The following RASGEF1C variants were observed in gnomAD, a reference collection of about 807,000 sequenced individuals.
RASGEF1C encodes ras-GEF domain-containing family member 1C.
In RASGEF1C, 27 loss-of-function variants were observed where a neutral mutation model predicts 58.1. That is an observed-to-expected ratio of 0.46 (90% CI 0.34 to 0.64). RASGEF1C has a LOEUF of 0.64. RASGEF1C is among the 30% of genes least tolerant of loss of function. The probability of loss-of-function intolerance (pLI) is 0.01; values close to 1 mark genes in which losing one functional copy is unlikely to be tolerated. For synonymous variants in RASGEF1C, 243 were observed against 246.3 expected (o/e 0.99, Z 0.13); for missense variants, 502 against 605.1 (o/e 0.83, Z 1.79).
chr5:180,159,582 A>G (rs1303911877), intron 1 of RASGEF1C, among the ~76,000 whole-genome samples: 1 of 152,174 alleles, frequency 6.6e-6, no homozygotes, highest in Non-Finnish European at 1.5e-5. Flanking sequence ...TGGCCACCAC[A>G]TAGAGACTGA....
chr5:180,145,844 G>A (rs1766654350), intron 1 of RASGEF1C, among the ~76,000 whole-genome samples: 1 of 152,224 alleles, frequency 6.6e-6, no homozygotes, highest in Non-Finnish European at 1.5e-5. Flanking sequence ...AGGGGCATGA[G>A]GCAGCTAGCC....
chr5:180,201,374 C>G (rs1044818897), intron 1 of RASGEF1C, among the ~76,000 whole-genome samples: 1 of 152,124 alleles, frequency 6.6e-6, no homozygotes, highest in Non-Finnish European at 1.5e-5. Context: ...TCAGAAAACA[C>G]AAGTCCACTC....
At chr5:180,182,104 C>T (rs1234851830) in intron 1 of RASGEF1C, among the ~76,000 whole-genome samples, 1 of 145,728 alleles carries the variant, frequency 6.9e-6, no homozygotes, top group Non-Finnish European at 1.5e-5. Flanking sequence ...ACACGGGAGG[C>T]TGAGGCAGGA....
chr5:180,127,295 C>T (rs997487409), intron 6 of RASGEF1C, among the ~76,000 whole-genome samples: 1 of 152,188 alleles, frequency 6.6e-6, no homozygotes, highest in African/African-American at 2.4e-5. Flanking sequence ...GCCCTCCACC[C>T]TCCTCCCTGC....
In RASGEF1C at chr5:180,137,820, C is replaced by T; in HGVS notation, c.177+56G>A. On this transcript the variant is annotated intron_variant, in intron 2 of 13. Coordinates refer to ENST00000361132, the MANE Select transcript of RASGEF1C (RefSeq NM_175062.4). This position sits in a 1 kb window ranked among gnomAD's most constrained non-coding sequence, Gnocchi z 4.1. ...CCAAGGTCACGCCCAACCCTGATGC[C>T]CCCCGTGCGTGGTGGAGGAGAGCCC... 1.9e-6 allele frequency: 3 copies of T among 1,602,344 alleles called. No homozygotes were observed. The highest frequency in any genetic ancestry group is 2.2e-5 in the South Asian group (2 of 89,194).
At chr5:180,142,013 C>T (rs1766588229) in intron 1 of RASGEF1C, among the ~76,000 whole-genome samples, 1 of 152,142 alleles carries the variant, frequency 6.6e-6, no homozygotes, top group Non-Finnish European at 1.5e-5. Flanking sequence ...TCTCAGAAGT[C>T]TTGAAATCAC....
intron 1 of RASGEF1C, among the ~76,000 whole-genome samples, chr5:180,159,513 A>G (rs190741696): frequency 4.0e-4 from 60 of 151,834 alleles, no homozygotes; most frequent in African/African-American, 1.3e-3. Flanking sequence ...TTTTTTCCTT[A>G]TTTGCCCTGC....
At chr5:180,161,225 GGGGA>G (rs1766938829) in intron 1 of RASGEF1C, among the ~76,000 whole-genome samples, 1 of 152,230 alleles carries the variant, frequency 6.6e-6, no homozygotes, top group Non-Finnish European at 1.5e-5. Context: ...CCCAGATTTG[GGGGA>G]GAGGAAGAAG....
chr5:180,179,870 G>A (rs895002276), intron 1 of RASGEF1C, among the ~76,000 whole-genome samples: 2 of 152,236 alleles, frequency 1.3e-5, no homozygotes, highest in African/African-American at 2.4e-5. Context: ...GGAACTGGGG[G>A]AGTAAGAGGT....
intron 4 of RASGEF1C, among the ~76,000 whole-genome samples, chr5:180,130,424 G>A (rs1184512065): frequency 6.6e-6 from 1 of 152,202 alleles, no homozygotes; most frequent in Non-Finnish European, 1.5e-5. Context: ...CAGCCTTGAG[G>A]GGCACGGTCA....
intron 1 of RASGEF1C, among the ~76,000 whole-genome samples, chr5:180,201,409 G>A (rs970851035): frequency 1.3e-5 from 2 of 152,120 alleles, no homozygotes; most frequent in African/African-American, 4.8e-5. Context: ...ACAAGAAAAT[G>A]GTGCACTTCA....
chr5:180,132,217 T>C (rs951420623), intron 4 of RASGEF1C, among the ~76,000 whole-genome samples: 7 of 152,206 alleles, frequency 4.6e-5, no homozygotes, highest in East Asian at 1.9e-4. Context: ...GCACTGATCA[T>C]AGTTGGGAGG....
intron 11 of RASGEF1C, among the ~76,000 whole-genome samples, chr5:180,112,579 C>T (rs753420355): frequency 2.0e-5 from 3 of 152,118 alleles, no homozygotes; most frequent in Non-Finnish European, 2.9e-5. Context: ...GGTGGGGCCT[C>T]GCACCCACTG....
intron 4 of RASGEF1C, among the ~76,000 whole-genome samples, chr5:180,129,213 G>A (rs535593332): frequency 6.6e-6 from 1 of 152,220 alleles, no homozygotes; most frequent in Non-Finnish European, 1.5e-5. Context: ...GCCCTGGGAG[G>A]CAGTGTGCCG....
chr5:180,182,020 G>A (rs367910009), intron 1 of RASGEF1C, among the ~76,000 whole-genome samples: 38 of 151,590 alleles, frequency 2.5e-4, no homozygotes, highest in Admixed American at 7.9e-4. Context: ...TGGCTAACAC[G>A]GTGAAACCCC....
intron 4 of RASGEF1C, among the ~76,000 whole-genome samples, chr5:180,131,315 G>A (rs1433942011): frequency 6.6e-6 from 1 of 152,120 alleles, no homozygotes; most frequent in Non-Finnish European, 1.5e-5. Context: ...CCCCTTCTGT[G>A]CTCTGGACAC....
chr5:180,174,655 G>A (rs1767193654), intron 1 of RASGEF1C, among the ~76,000 whole-genome samples: 1 of 152,026 alleles, frequency 6.6e-6, no homozygotes, highest in Admixed American at 6.6e-5. Context: ...TGTGTGTGTG[G>A]GGTGCATCTG....
At chr5:180,140,687 C>T (rs1766561098) in intron 1 of RASGEF1C, among the ~76,000 whole-genome samples, 1 of 152,226 alleles carries the variant, frequency 6.6e-6, no homozygotes, top group African/African-American at 2.4e-5. Context: ...ACAGAGGACA[C>T]TGCTGCTCCT....
At chr5:180,130,243 T>C (rs1271726691) in intron 4 of RASGEF1C, among the ~76,000 whole-genome samples, 1 of 152,204 alleles carries the variant, frequency 6.6e-6, no homozygotes, top group East Asian at 1.9e-4. Context: ...GAAACTAGGC[T>C]CCACGCTGGG....
Sources: allele counts gnomAD v4.1 joint callset (sites outside exome capture counted in the v4.1 genomes callset), GRCh38; gene constraint gnomAD v4.1.1; non-coding constraint Gnocchi (gnomAD v3.1); transcripts MANE v1.5; gene names NCBI Gene and HGNC (gene_info 2026-07-23, HGNC 2026-07-21).